Variants in KLHL13 observed in about 807,000 individuals in gnomAD.
The protein encoded by KLHL13 is kelch-like protein 13.
A neutral mutation model predicts 37.1 loss-of-function variants in KLHL13; 10 were observed. The observed-to-expected ratio is 0.27, with a 90% CI of 0.17 to 0.46. The LOEUF (loss-of-function observed/expected upper bound fraction) is 0.46. KLHL13 is among the 20% of genes least tolerant of loss of function. The pLI is 1.00. For missense variants in KLHL13, 360 were observed against 509.3 expected (o/e 0.71, Z 2.82); for synonymous variants, 163 against 181.2 (o/e 0.90, Z 0.81).
intron 1 of KLHL13, among the ~76,000 whole-genome samples, chrX:118,089,639 AAAGAAAGAAAG>A (rs1313733926): frequency 2.0e-5 from 2 of 100,371 alleles, no homozygotes; most frequent in African/African-American, 8.4e-5. Context: ...AGAAAGAAAG[AAAGAAAGAAAG>A]AAAGAAAGAA....
rs376083974 is a variant in KLHL13 at position 118,033,481 on chromosome X, G to A, written c.-56+83027C>T. On this transcript the variant is annotated intron_variant, in intron 1 of 6. Transcript: ENST00000371882. ...ATTTTCAACCCAGAATTTCATATCC[G>A]GCCAAACTAAGCTTCATAAGTGAAG... is the stretch of plus-strand genomic sequence containing the variant. Among the ~76,000 whole-genome samples, 527 of 110,121 alleles carry A rather than the reference G, an allele frequency of 4.8e-3. 1 individual carries two copies. The highest frequency in any genetic ancestry group is 7.7e-3 in the East Asian group (27 of 3,496).
At chrX:118,086,666 T>C (rs1370144165) in intron 1 of KLHL13, among the ~76,000 whole-genome samples, 3 of 111,980 alleles carry the variant, frequency 2.7e-5, no homozygotes, top group East Asian at 5.6e-4. Flanking sequence ...AAAGAGGATA[T>C]ACACACATGC....
exon 7 of KLHL13, chrX:117,898,483 C>T (rs1929872096): frequency 8.7e-6 from 1 of 114,972 alleles, no homozygotes; most frequent in Non-Finnish European, 1.8e-5. Context: ...CTCCCTTTGA[C>T]ATCTTACAGT....
intron 1 of KLHL13, among the ~76,000 whole-genome samples, chrX:117,959,372 T>C (rs947080680): frequency 8.9e-6 from 1 of 112,128 alleles, no homozygotes; most frequent in South Asian, 3.7e-4. Context: ...CAAAATTGTA[T>C]TTCAAATATT....
At chrX:117,905,505 G>GCACA (rs34703680) in intron 5 of KLHL13, among the ~76,000 whole-genome samples, 2,451 of 103,234 alleles carry the variant, frequency 0.024, 70 homozygotes, top group African/African-American at 0.065. Flanking sequence ...GCTAGTGCGT[G>GCACA]CACACACACA....
chrX:118,058,001 G>C (rs1316894839), intron 1 of KLHL13, among the ~76,000 whole-genome samples: 2 of 111,398 alleles, frequency 1.8e-5, no homozygotes, highest in Non-Finnish European at 1.9e-5. Context: ...AATACAAAGA[G>C]AAAGACAGGC....
intron 1 of KLHL13, among the ~76,000 whole-genome samples, chrX:117,959,832 G>A (rs1602596492): frequency 9.0e-6 from 1 of 111,376 alleles, no homozygotes; most frequent in East Asian, 2.8e-4. Flanking sequence ...GATGTTACAG[G>A]GCAACTTGTA....
At chrX:117,916,313 A>G (rs1210856643) in intron 4 of KLHL13, among the ~76,000 whole-genome samples, 1 of 112,583 alleles carries the variant, frequency 8.9e-6, no homozygotes, top group Admixed American at 9.4e-5. Context: ...AGTATATAAA[A>G]GTGGTTTTAG....
In KLHL13 at chrX:118,052,233, C is replaced by T. The variant is rs969892490; in HGVS notation, c.-56+64275G>A. On this transcript the variant is annotated intron_variant, in intron 1 of 6. Transcript: ENST00000371882. ...AAAAAATCGTAAAAGAAGTAGAGGG[C>T]CGGGTGCGGTGGCTCACGCCTGTAA... Among the ~76,000 whole-genome samples the T allele has an allele frequency of 5.4e-5, 6 of 110,677 alleles. No individual in the cohort carries two copies. The East Asian group carries it at 1.1e-3, about 21-fold the overall frequency.
chrX:117,967,526 A>G (rs2053456803), intron 1 of KLHL13, among the ~76,000 whole-genome samples: 2 of 111,640 alleles, frequency 1.8e-5, no homozygotes, highest in African/African-American at 6.5e-5. Context: ...GGAGATATGA[A>G]ATTCTGCCTC....
chrX:117,899,000 G>C, exon 7 of KLHL13: 2 of 1,210,806 alleles, frequency 1.7e-6, no homozygotes, highest in Non-Finnish European at 2.2e-6. Context: ...ATGCCACCAA[G>C]GGATTCTGGC....
intron 5 of KLHL13, among the ~76,000 whole-genome samples, chrX:117,906,568 T>C (rs770415688): frequency 1.7e-4 from 19 of 111,368 alleles, no homozygotes; most frequent in South Asian, 3.8e-4. Flanking sequence ...TCTTGCTTCT[T>C]GGCTTTATCT....
At chrX:117,898,275 A>G (rs906975052) in exon 7 of KLHL13, 1 of 112,585 alleles carries the variant, frequency 8.9e-6, no homozygotes, top group African/African-American at 3.2e-5. Flanking sequence ...TTATAAGTAG[A>G]GGGTTCATGC....
In KLHL13 at chrX:118,017,460, C is replaced by A. The variant is rs189577286; in HGVS notation, c.-55-71885G>T. Among the ~76,000 whole-genome samples, 168 of 111,085 alleles carry A rather than the reference C, an allele frequency of 1.5e-3. 2 individuals carry two copies. The highest frequency in any genetic ancestry group is 5.3e-3 in the African/African-American group (163 of 30,642). The stretch of plus-strand genomic sequence containing the variant: ...TCTGAAAAGAGAACTCTAATTAGAA[C>A]CTAGAGAAAAATGAACTAACCAATT... On this transcript the variant is annotated intron_variant, in intron 1 of 6. Coordinates refer to the KLHL13 transcript ENST00000371882.
chrX:118,105,679 C>A (rs1257385163), intron 1 of KLHL13, among the ~76,000 whole-genome samples: 1 of 112,242 alleles, frequency 8.9e-6, no homozygotes, highest in African/African-American at 3.2e-5. Context: ...TACATTTTCT[C>A]CCTCCTAGTA....
At chrX:117,939,404 G>A (rs749472723) in intron 2 of KLHL13, among the ~76,000 whole-genome samples, 56 of 112,143 alleles carry the variant, frequency 5.0e-4, no homozygotes, top group Non-Finnish European at 6.8e-4. Flanking sequence ...AAACATACCT[G>A]TGCATGTGTC....
intron 1 of KLHL13, among the ~76,000 whole-genome samples, chrX:118,077,913 C>A (rs1165300989): frequency 8.9e-6 from 1 of 111,937 alleles, no homozygotes; most frequent in Non-Finnish European, 1.9e-5. Context: ...AAGTACCTTA[C>A]AAACTCTAAA....
chrX:117,911,678 C>G (rs1042124464), intron 4 of KLHL13, among the ~76,000 whole-genome samples: 2 of 111,533 alleles, frequency 1.8e-5, no homozygotes, highest in Non-Finnish European at 3.8e-5. Context: ...TGTTAGTTTG[C>G]TGAGAATGAT....
chrX:117,956,972 A>T (rs972451446), intron 1 of KLHL13, among the ~76,000 whole-genome samples: 1 of 112,481 alleles, frequency 8.9e-6, no homozygotes, highest in African/African-American at 3.2e-5. Context: ...AAGAAATTTC[A>T]GAAATCTCCG....
Sources: allele counts gnomAD v4.1 joint callset (sites outside exome capture counted in the v4.1 genomes callset), GRCh38; gene constraint gnomAD v4.1.1; transcripts MANE v1.5; gene names NCBI Gene and HGNC (gene_info 2026-07-23, HGNC 2026-07-21).